Variants in ROBO2 observed in about 807,000 individuals in gnomAD.
ROBO2 encodes the protein roundabout guidance receptor 2, also known as roundabout homolog 2.
A neutral mutation model predicts 160.8 loss-of-function variants in ROBO2; 53 were observed. The ratio of observed to expected loss-of-function variants is 0.33; its 90% CI spans 0.26 to 0.41. The LOEUF (loss-of-function observed/expected upper bound fraction) is 0.41, where lower values mean the gene tolerates loss of function less well. Ranked by LOEUF, ROBO2 falls within the 10% of genes least tolerant of loss-of-function variation. The pLI, the probability that ROBO2 is intolerant of heterozygous loss-of-function variation, is 1.00. For missense variants in ROBO2, 1,577 were observed against 1,722.4 expected (o/e 0.92, Z 1.49); for synonymous variants, 664 against 611.7 (o/e 1.09, Z -1.26).
Position 76,191,646 on chromosome 3 carries a change from A to G in ROBO2, c.109+254044A>G, listed in dbSNP as rs1702010360. On this transcript the variant is annotated intron_variant, in intron 2 of 26. Transcript: ENST00000487694. ...TAATTTCCTGCTTTGATTTTTCTGC[A>G]GGAGAATACACCTATTCTCTACAAG... Among the ~76,000 whole-genome samples the G allele has an allele frequency of 2.0e-5, 3 of 152,256 alleles. No individual in the cohort carries two copies. In the South Asian group the frequency reaches 6.2e-4, roughly 32 times the overall value.
chr3:77,141,589 G>A (rs960346280), intron 2 of ROBO2, among the ~76,000 whole-genome samples: 2 of 152,138 alleles, frequency 1.3e-5, no homozygotes, highest in Admixed American at 1.3e-4. Context: ...GCAATTTCTG[G>A]ATTTATGACC....
rs544724573 is a variant in ROBO2 at position 75,946,517 on chromosome 3, T to A, written c.109+8915T>A. Among the ~76,000 whole-genome samples the A allele has an allele frequency of 2.0e-4, 30 of 152,164 alleles. 1 individual carries two copies. Among genetic ancestry groups the A allele is most frequent in the Admixed American group, 1.8e-3 (27 of 15,270 alleles). Reference sequence around the variant, plus strand: ...ACACTACTGTGAAGAAGATTACATGTGGTAACATGGTTGAGTAAAACTGGC... The same window carrying A: ...ACACTACTGTGAAGAAGATTACATGAGGTAACATGGTTGAGTAAAACTGGC... On this transcript the variant is annotated intron_variant, in intron 2 of 26. Coordinates refer to the ROBO2 transcript ENST00000487694.
chr3:77,571,487 T>C (rs758998938), intron 13 of ROBO2, among the ~76,000 whole-genome samples: 6 of 152,118 alleles, frequency 3.9e-5, no homozygotes, highest in Non-Finnish European at 7.4e-5. Context: ...GAGATATGGG[T>C]ATTATGTGAG....
At chr3:76,456,531 CGGAGA>C in intron 2 of ROBO2, among the ~76,000 whole-genome samples, 1 of 152,132 alleles carries the variant, frequency 6.6e-6, no homozygotes, top group Admixed American at 6.6e-5. Flanking sequence ...ACCAGGTTTC[CGGAGA>C]CTGTATCTTT....
At chr3:76,456,545 T>C (rs1281638939) in intron 2 of ROBO2, among the ~76,000 whole-genome samples, 1 of 152,180 alleles carries the variant, frequency 6.6e-6, no homozygotes, top group Admixed American at 6.5e-5. Flanking sequence ...GACTGTATCT[T>C]TAAGACGGTG....
chr3:77,377,598 C>T (rs1473772906), intron 2 of ROBO2, among the ~76,000 whole-genome samples: 1 of 152,168 alleles, frequency 6.6e-6, no homozygotes, highest in South Asian at 2.1e-4. Flanking sequence ...AATTTACACA[C>T]AAGTCAATAA....
chr3:77,235,155 G>C (rs568090550), intron 2 of ROBO2, among the ~76,000 whole-genome samples: 25 of 152,118 alleles, frequency 1.6e-4, no homozygotes, highest in Non-Finnish European at 2.9e-4. Context: ...TGTAATCTAT[G>C]GTGATAAACA....
At chr3:76,273,023 A>G (rs1422405324) in intron 2 of ROBO2, among the ~76,000 whole-genome samples, 1 of 99,454 alleles carries the variant, frequency 1.0e-5, no homozygotes, top group Non-Finnish European at 1.9e-5. Flanking sequence ...TATTATATAT[A>G]ATATATATTT....
At chr3:76,000,752 A>T (rs2065863674) in intron 2 of ROBO2, among the ~76,000 whole-genome samples, 1 of 151,908 alleles carries the variant, frequency 6.6e-6, no homozygotes, top group Non-Finnish European at 1.5e-5. Flanking sequence ...GGCCTCCCAA[A>T]GTTAATTTTT....
intron 8 of ROBO2, among the ~76,000 whole-genome samples, chr3:77,557,420 C>A (rs1251867821): frequency 2.0e-5 from 3 of 151,742 alleles, no homozygotes; most frequent in Non-Finnish European, 2.9e-5. Flanking sequence ...TTAACATCAG[C>A]AGAAATATTT....
In ROBO2 at chr3:77,268,887, G is replaced by A. The variant is rs575876554; in HGVS notation, c.388+170547G>A. 9.2e-5 allele frequency among the ~76,000 whole-genome samples: 14 copies of A among 152,302 alleles called. No individual in the cohort carries two copies. The East Asian group carries it at 2.7e-3, about 29-fold the overall frequency. ...TTCACCAGTGCATAGCCCATCTGTA[G>A]AAATAGTTGTCAGAGCTGAGTATCT... is the stretch of plus-strand genomic sequence containing the variant. On this transcript the variant is annotated intron_variant, in intron 2 of 25. Coordinates refer to ENST00000461745, the Ensembl canonical transcript of ROBO2.
At chr3:76,454,411 G>A (rs2077640292) in intron 2 of ROBO2, among the ~76,000 whole-genome samples, 1 of 152,170 alleles carries the variant, frequency 6.6e-6, no homozygotes, top group Non-Finnish European at 1.5e-5. Context: ...GGAGGTGTAT[G>A]TGATGAAAAC....
At chr3:76,564,601 C>T (rs553604625) in intron 2 of ROBO2, among the ~76,000 whole-genome samples, 7 of 152,306 alleles carry the variant, frequency 4.6e-5, no homozygotes, top group African/African-American at 1.7e-4. Flanking sequence ...GGATTTGGAA[C>T]ACAGGTTAAT....
At chr3:76,048,577 T>G (rs577420034) in intron 2 of ROBO2, among the ~76,000 whole-genome samples, 1 of 152,290 alleles carries the variant, frequency 6.6e-6, no homozygotes, top group African/African-American at 2.4e-5. Flanking sequence ...GCAGCCCTTA[T>G]GCACTGCAGA....
chr3:76,905,734 C>T (rs1386077873), intron 2 of ROBO2, among the ~76,000 whole-genome samples: 1 of 152,082 alleles, frequency 6.6e-6, no homozygotes, highest in Non-Finnish European at 1.5e-5. Context: ...TAGTTTTTCT[C>T]GACATAAATT....
intron 2 of ROBO2, among the ~76,000 whole-genome samples, chr3:76,085,220 A>G (rs937240760): frequency 3.8e-5 from 3 of 78,986 alleles, no homozygotes; most frequent in Admixed American, 1.1e-4. Flanking sequence ...GTGGATTTCT[A>G]AAGTTCTTAA....
chr3:77,115,387 T>G (rs2150216313), intron 2 of ROBO2, among the ~76,000 whole-genome samples: 1 of 152,326 alleles, frequency 6.6e-6, no homozygotes, highest in South Asian at 2.1e-4. Context: ...CTTCCATATA[T>G]GAGCGCTATG....
chr3:76,614,543 A>C (rs2088410722), intron 2 of ROBO2, among the ~76,000 whole-genome samples: 1 of 152,072 alleles, frequency 6.6e-6, no homozygotes, highest in South Asian at 2.1e-4. Flanking sequence ...CACAGAAATC[A>C]AATTATCATG....
chr3:76,442,682 A>G (rs553679977), intron 2 of ROBO2, among the ~76,000 whole-genome samples: 1 of 152,094 alleles, frequency 6.6e-6, no homozygotes, highest in African/African-American at 2.4e-5. Flanking sequence ...GCATGATGAG[A>G]TCTCTCATCT....
Sources: allele counts gnomAD v4.1 joint callset (sites outside exome capture counted in the v4.1 genomes callset), GRCh38; gene constraint gnomAD v4.1.1; transcripts MANE v1.5; gene names NCBI Gene and HGNC (gene_info 2026-07-23, HGNC 2026-07-21).